Variants in TBC1D30 observed in about 807,000 individuals in gnomAD.
The protein encoded by TBC1D30 is TBC1 domain family member 30, also known as TBC1 domain family, member 30.
In TBC1D30, 31 loss-of-function variants were observed where a neutral mutation model predicts 63.2. The ratio of observed to expected loss-of-function variants is 0.49; its 90% CI spans 0.37 to 0.66. The LOEUF (loss-of-function observed/expected upper bound fraction) is 0.66, where lower values mean the gene tolerates loss of function less well. Among genes scored for constraint, TBC1D30 ranks in the 30% least tolerant of loss-of-function variants. TBC1D30 has a pLI of 0.00. For missense variants in TBC1D30, 810 were observed against 953.6 expected (o/e 0.85, Z 1.98); for synonymous variants, 307 against 361.5 (o/e 0.85, Z 1.71).
chr12:64,818,967 C>A (rs1035160277), intron 2 of TBC1D30, among the ~76,000 whole-genome samples: 1 of 152,038 alleles, frequency 6.6e-6, no homozygotes, highest in African/African-American at 2.4e-5. Context: ...CAGGAAATAC[C>A]ACGACAAGAA....
chr12:64,781,330 G>A, intron 1 of TBC1D30: 1 of 1,057,872 alleles, frequency 9.5e-7, no homozygotes, highest in South Asian at 2.3e-5. Flanking sequence ...TCCTGGAGCC[G>A]GGTTGTCCTC....
chr12:64,802,176 C>T (rs1467354844), intron 2 of TBC1D30, among the ~76,000 whole-genome samples: 1 of 152,148 alleles, frequency 6.6e-6, no homozygotes, highest in Non-Finnish European at 1.5e-5. Context: ...AGTATTGCCT[C>T]CCCGACATCA....
intron 1 of TBC1D30, among the ~76,000 whole-genome samples, chr12:64,773,402 T>C (rs193239200): frequency 2.0e-5 from 3 of 152,284 alleles, no homozygotes; most frequent in Non-Finnish European, 1.5e-5. Context: ...GACCTAGCCA[T>C]TCCAGCCTCT....
intron 2 of TBC1D30, among the ~76,000 whole-genome samples, chr12:64,795,249 C>T (rs938700675): frequency 1.4e-4 from 21 of 152,146 alleles, no homozygotes; most frequent in African/African-American, 4.8e-4. Flanking sequence ...TTCTGATCTC[C>T]TGCTCGAAGG....
intron 5 of TBC1D30, among the ~76,000 whole-genome samples, chr12:64,833,481 G>T (rs1875052786): frequency 6.6e-6 from 1 of 152,136 alleles, no homozygotes; most frequent in African/African-American, 2.4e-5. Flanking sequence ...GCAATGCTTT[G>T]TGATGTATGA....
intron 2 of TBC1D30, among the ~76,000 whole-genome samples, chr12:64,807,918 G>GTTTATTTTTTTT: frequency 1.1e-5 from 1 of 93,526 alleles, no homozygotes; most frequent in Non-Finnish European, 1.9e-5. Context: ...CCTAATTTAA[G>GTTTATTTTTTTT]TTTTTTTTTT....
intron 8 of TBC1D30, among the ~76,000 whole-genome samples, chr12:64,850,346 G>T (rs1347989581): frequency 1.3e-5 from 2 of 152,156 alleles, no homozygotes; most frequent in Non-Finnish European, 2.9e-5. Context: ...TCCTTGTCTT[G>T]TGCCAGTTTT....
intron 1 of TBC1D30, among the ~76,000 whole-genome samples, chr12:64,767,786 G>A (rs1302595351): frequency 6.7e-5 from 4 of 59,678 alleles, no homozygotes; most frequent in African/African-American, 2.0e-4. Flanking sequence ...CACATGCTCC[G>A]GCGGGGGGGG....
At chr12:64,820,973 G>C (rs1158097317), upstream of TBC1D30, among the ~76,000 whole-genome samples, 1 of 152,226 alleles carries the variant, frequency 6.6e-6, no homozygotes, top group Non-Finnish European at 1.5e-5. Flanking sequence ...TTTAAAAACA[G>C]AGTTAGATTT....
intron 2 of TBC1D30, among the ~76,000 whole-genome samples, chr12:64,795,544 A>G (rs370657700): frequency 8.5e-5 from 13 of 152,200 alleles, no homozygotes; most frequent in African/African-American, 2.9e-4. Context: ...CTCCTGGGGA[A>G]CTGGTTGCCA....
intron 8 of TBC1D30, among the ~76,000 whole-genome samples, chr12:64,850,390 C>G (rs1030726812): frequency 1.3e-5 from 2 of 152,186 alleles, no homozygotes; most frequent in Non-Finnish European, 2.9e-5. Context: ...TTTGCCCATT[C>G]AGTATGATAT....
At chr12:64,774,931 A>G (rs1328408328) in intron 1 of TBC1D30, among the ~76,000 whole-genome samples, 2 of 151,946 alleles carry the variant, frequency 1.3e-5, no homozygotes, top group Non-Finnish European at 2.9e-5. Flanking sequence ...CGTCTCTACT[A>G]AAAATACAAA....
At chr12:64,869,016 G>C (rs1878444347) in intron 10 of TBC1D30, among the ~76,000 whole-genome samples, 1 of 151,636 alleles carries the variant, frequency 6.6e-6, no homozygotes, top group Non-Finnish European at 1.5e-5. Context: ...CTGTGGTCTG[G>C]AATTATCAAT....
chr12:64,788,566 T>A (rs575344633), intron 2 of TBC1D30, among the ~76,000 whole-genome samples: 217 of 152,258 alleles, frequency 1.4e-3, no homozygotes, highest in Non-Finnish European at 2.2e-3. Flanking sequence ...CTGATTATCA[T>A]TTGGAATTTA....
At chr12:64,802,393 G>A (rs2136318046) in intron 2 of TBC1D30, among the ~76,000 whole-genome samples, 1 of 152,202 alleles carries the variant, frequency 6.6e-6, no homozygotes, top group African/African-American at 2.4e-5. Context: ...ACCCGAGATG[G>A]CCAGCAGAGG....
chr12:64,824,642 G>A, upstream of TBC1D30: 1 of 427,872 alleles, frequency 2.3e-6, no homozygotes, highest in South Asian at 6.7e-5. Context: ...GCGATCTCCT[G>A]CCTCAGCCTT....
At chr12:64,789,184 CT>C (rs1282443160) in intron 2 of TBC1D30, among the ~76,000 whole-genome samples, 71 of 123,272 alleles carry the variant, frequency 5.8e-4, no homozygotes, top group African/African-American at 2.3e-3. Flanking sequence ...TCTTCTTCTT[CT>C]TTTTTTTTTT....
chr12:64,777,338 T>C (rs1871111506), upstream of TBC1D30, among the ~76,000 whole-genome samples: 1 of 152,222 alleles, frequency 6.6e-6, no homozygotes, highest in South Asian at 2.1e-4. Flanking sequence ...GCAGATGATA[T>C]GGTCCTATAT....
Position 64,818,425 on chromosome 12 carries a change from A to G in TBC1D30, c.644-9410A>G, listed in dbSNP as rs528166910. ...CTTGTGTCCTTGTCACTACTCACTC[A>G]GTAAACTGTAAACTATTTTTTTTTT... On this transcript the variant is annotated intron_variant, in intron 2 of 12. Coordinates refer to the TBC1D30 transcript ENST00000542120. 1.3e-5 allele frequency: 13 copies of G among 983,468 alleles called. No individual in the cohort carries two copies. In the South Asian group the frequency reaches 5.6e-4, roughly 43 times the overall value. The allele number at this position is 983,468 out of a possible 1,614,324, so 60.9% of individuals were successfully genotyped here.
Sources: allele counts gnomAD v4.1 joint callset (sites outside exome capture counted in the v4.1 genomes callset), GRCh38; gene constraint gnomAD v4.1.1; transcripts MANE v1.5; gene names NCBI Gene and HGNC (gene_info 2026-07-23, HGNC 2026-07-21).